EEF1AKMT1: variants seen among roughly 807,000 people sequenced by gnomAD.
EEF1AKMT1 encodes EEF1A lysine methyltransferase 1.
In EEF1AKMT1, 18 loss-of-function variants were observed where a neutral mutation model predicts 21.0. That is an observed-to-expected ratio of 0.86 (90% CI 0.59 to 1.27). The LOEUF is 1.27. Among genes scored for constraint, EEF1AKMT1 ranks in the 50% most tolerant of loss-of-function variants. The probability of loss-of-function intolerance (pLI) is 0.00; values close to 1 mark genes in which losing one functional copy is unlikely to be tolerated. For synonymous variants in EEF1AKMT1, 109 were observed against 94.8 expected (o/e 1.15, Z -0.87); for missense variants, 246 against 258.6 (o/e 0.95, Z 0.33).
intron 2 of EEF1AKMT1, among the ~76,000 whole-genome samples, chr13:20,741,360 A>G (rs1297385768): frequency 6.6e-6 from 1 of 151,738 alleles, no homozygotes; most frequent in Non-Finnish European, 1.5e-5. Flanking sequence ...TCCATAGACC[A>G]TCTTACACCC....
At chr13:20,754,593 T>C (rs2058960774) in intron 2 of EEF1AKMT1, among the ~76,000 whole-genome samples, 1 of 152,138 alleles carries the variant, frequency 6.6e-6, no homozygotes. Context: ...TTTTGTCTTC[T>C]CTTTGCCTTC....
chr13:20,759,248 T>C (rs1465992507), intron 1 of EEF1AKMT1, among the ~76,000 whole-genome samples: 1 of 152,158 alleles, frequency 6.6e-6, no homozygotes, highest in East Asian at 1.9e-4. Flanking sequence ...ATTTGCAAAC[T>C]ATGCATCCAA....
intron 1 of EEF1AKMT1, among the ~76,000 whole-genome samples, chr13:20,768,222 G>C (rs2059046311): frequency 6.6e-6 from 1 of 152,102 alleles, no homozygotes; most frequent in Non-Finnish European, 1.5e-5. Context: ...GTATATTTCT[G>C]TATTCCTATG....
Position 20,731,962 on chromosome 13 carries a change from T to A in EEF1AKMT1, c.387A>T (p.Arg129Ser). ...DYNNPLDLPERIAAHSFDIVI... is the reference protein window; with the variant it reads ...DYNNPLDLPESIAAHSFDIVI... ...CGATGTCAAAACTATGTGCAGCAAT[T>A]CTTTCGGGTAAGTCCAATGGATTAT... The change falls in exon 4 of 5, where the codon AGA becomes AGT. Residue 129 changes from arginine (R) to serine (S), a missense_variant. Transcript: ENST00000382758. The A allele has an allele frequency of 6.2e-7, 1 of 1,614,246 alleles. No individual in the cohort carries two copies. Among genetic ancestry groups the A allele is most frequent in the Non-Finnish European group, 8.5e-7 (1 of 1,180,054 alleles).
intron 3 of EEF1AKMT1, among the ~76,000 whole-genome samples, chr13:20,734,942 G>T (rs2058818153): frequency 6.6e-6 from 1 of 152,144 alleles, no homozygotes; most frequent in Admixed American, 6.5e-5. Flanking sequence ...ATGGCAGATT[G>T]AACACATTCA....
intron 1 of EEF1AKMT1, among the ~76,000 whole-genome samples, chr13:20,761,954 G>T (rs1473326883): frequency 6.6e-6 from 1 of 152,214 alleles, no homozygotes; most frequent in Admixed American, 6.5e-5. Flanking sequence ...TTAAAAATTA[G>T]CTGAGTGTGA....
chr13:20,767,841 TG>T (rs1302378666), intron 1 of EEF1AKMT1, among the ~76,000 whole-genome samples: 4 of 152,250 alleles, frequency 2.6e-5, no homozygotes, highest in Non-Finnish European at 5.9e-5. Context: ...TCTTTCTCTT[TG>T]TATTTCATTT....
At chr13:20,736,533 G>C (rs192676977) in intron 3 of EEF1AKMT1, among the ~76,000 whole-genome samples, 1 of 151,952 alleles carries the variant, frequency 6.6e-6, no homozygotes, top group African/African-American at 2.4e-5. Context: ...GATGAAGGGC[G>C]ATACCAAGAA....
At chr13:20,742,242 TATTTA>T (rs2058875641) in intron 2 of EEF1AKMT1, among the ~76,000 whole-genome samples, 1 of 152,200 alleles carries the variant, frequency 6.6e-6, no homozygotes, top group South Asian at 2.1e-4. Context: ...TCTTTTCCTA[TATTTA>T]ATTTTTATTT....
chr13:20,729,116 A>T lies in EEF1AKMT1; in HGVS notation c.609T>A (p.Tyr203Ter), dbSNP rs748023597. ...AGTCCAGCCCAGAATCATAATTCACATAACAGCGAAACTCATTTGCCAAGT... is the reference window on the plus strand; with the variant it reads ...AGTCCAGCCCAGAATCATAATTCACTTAACAGCGAAACTCATTTGCCAAGT... ...TRNLANEFRC[Y>*]VNYDSGLDCG... is the part of the protein sequence containing the mutation. Residue 203 changes from tyrosine to a stop codon, truncating the protein, a stop_gained, in exon 5 of 5, where the codon TAT becomes TAA. Coordinates refer to ENST00000382758, the MANE Select transcript of EEF1AKMT1 (RefSeq NM_001318939.2). LOFTEE classifies it high-confidence loss of function. The T allele has an allele frequency of 6.2e-6, 10 of 1,614,118 alleles. No individual in the cohort carries two copies. In the South Asian group the frequency reaches 7.7e-5, roughly 12 times the overall value.
intron 2 of EEF1AKMT1, among the ~76,000 whole-genome samples, chr13:20,751,679 T>TC (rs2058941457): frequency 6.6e-6 from 1 of 151,720 alleles, no homozygotes; most frequent in Non-Finnish European, 1.5e-5. Context: ...GGACTTTTTT[T>TC]TTTCTGTGAA....
intron 1 of EEF1AKMT1, among the ~76,000 whole-genome samples, chr13:20,772,926 A>T (rs955966767): frequency 6.6e-6 from 1 of 152,226 alleles, no homozygotes; most frequent in African/African-American, 2.4e-5. Flanking sequence ...CAGAGCAAAG[A>T]GCATTAACCT....
intron 2 of EEF1AKMT1, among the ~76,000 whole-genome samples, chr13:20,752,290 A>G (rs1428503458): frequency 6.6e-6 from 1 of 152,158 alleles, no homozygotes; most frequent in Non-Finnish European, 1.5e-5. Context: ...GGTTTATCAT[A>G]TATAGCCTTT....
intron 4 of EEF1AKMT1, among the ~76,000 whole-genome samples, chr13:20,729,706 C>T (rs1389820690): frequency 3.9e-5 from 6 of 152,178 alleles, no homozygotes; most frequent in Non-Finnish European, 1.5e-5. Context: ...TCCCCTGCGA[C>T]ATCCCCACAG....
At chr13:20,745,514 TC>T (rs1262735039) in intron 2 of EEF1AKMT1, among the ~76,000 whole-genome samples, 2 of 152,236 alleles carry the variant, frequency 1.3e-5, no homozygotes, top group African/African-American at 4.8e-5. Context: ...AAAAGGTTTA[TC>T]TGGATGGTCT....
chr13:20,761,492 T>C (rs947977075), intron 1 of EEF1AKMT1, among the ~76,000 whole-genome samples: 2 of 152,202 alleles, frequency 1.3e-5, no homozygotes, highest in African/African-American at 2.4e-5. Flanking sequence ...GTTTCCAATT[T>C]TAAGGTATTA....
At chr13:20,739,983 C>T (rs543092305) in intron 2 of EEF1AKMT1, among the ~76,000 whole-genome samples, 279 of 152,360 alleles carry the variant, frequency 1.8e-3, no homozygotes, top group Middle Eastern at 6.8e-3. Context: ...AGAGAAGGGG[C>T]GGCACCCGTC....
chr13:20,738,923 A>C (rs1182648716), intron 2 of EEF1AKMT1, among the ~76,000 whole-genome samples: 1 of 152,206 alleles, frequency 6.6e-6, no homozygotes, highest in African/African-American at 2.4e-5. Flanking sequence ...TGTGTCCGGA[A>C]TTGGTGGGTT....
At position 20,744,254 on chromosome 13, in the gene EEF1AKMT1, C is replaced by T. The variant is rs906097448; in HGVS notation, c.145-6449G>A. Among the ~76,000 whole-genome samples the T allele has an allele frequency of 4.6e-5, 7 of 152,138 alleles. No individual in the cohort carries two copies. In the East Asian group the frequency reaches 5.8e-4, roughly 13 times the overall value. On this transcript the variant is annotated intron_variant, in intron 2 of 4. Coordinates refer to ENST00000382758, the MANE Select transcript of EEF1AKMT1 (RefSeq NM_001318939.2). ...TTCTCGTTCTAGAGCCTTGAGGAAT[C>T]GCCACACTGTTTTCCACAATGGTTG...
Sources: gnomAD v4.1 joint callset for allele counts (sites outside exome capture counted in the v4.1 genomes callset) on GRCh38, gnomAD v4.1.1 for gene constraint, MANE v1.5 for transcripts, NCBI Gene and HGNC (gene_info 2026-07-23, HGNC 2026-07-21) for gene names.